NVL: variants seen among roughly 807,000 people sequenced by gnomAD.
NVL encodes the protein nuclear valosin-containing protein-like.
NVL carries 84 observed loss-of-function variants against 110.2 expected under a neutral mutation model. That is an observed-to-expected ratio of 0.76 (90% confidence interval 0.64 to 0.91). The LOEUF (loss-of-function observed/expected upper bound fraction) is 0.91. NVL is among the 40% of genes least tolerant of loss of function. The pLI is 0.00. For missense variants in NVL, 882 were observed against 1,035.9 expected (o/e 0.85, Z 2.04); for synonymous variants, 354 against 361.1 (o/e 0.98, Z 0.22).
At chr1:224,254,094 T>C (rs932693582) in intron 18 of NVL, among the ~76,000 whole-genome samples, 42 of 152,238 alleles carry the variant, frequency 2.8e-4, no homozygotes, top group African/African-American at 9.9e-4. Flanking sequence ...TTGTACAACA[T>C]GTTTTTTTTT....
chr1:224,275,120 G>T (rs751396983), intron 17 of NVL, among the ~76,000 whole-genome samples: 1 of 152,172 alleles, frequency 6.6e-6, no homozygotes, highest in Non-Finnish European at 1.5e-5. Context: ...ATGACCTAAA[G>T]ATTGTGCAAC....
chr1:224,228,870 C>T (rs1189677979), intron 22 of NVL, among the ~76,000 whole-genome samples: 2 of 118,098 alleles, frequency 1.7e-5, no homozygotes, highest in African/African-American at 6.6e-5. Context: ...ACCTGGGAGG[C>T]GGAGCTTGCA....
chr1:224,304,281 TGGGC>T (rs1324032585), intron 8 of NVL, among the ~76,000 whole-genome samples: 2 of 151,892 alleles, frequency 1.3e-5, no homozygotes, highest in African/African-American at 2.4e-5. Flanking sequence ...AAAAATTAGC[TGGGC>T]GTGGTGGCAC....
At chr1:224,330,044 C>T in intron 1 of NVL, 27 bp downstream of exon 1, 1 of 1,612,064 alleles carries the variant, frequency 6.2e-7, no homozygotes, top group South Asian at 1.1e-5. Context: ...GGGCCCTTGG[C>T]GAGGCCAAGC....
chr1:224,288,147 C>G (rs1465258354), intron 13 of NVL, among the ~76,000 whole-genome samples, 154 bp from the exon 14 acceptor site: 5 of 152,140 alleles, frequency 3.3e-5, no homozygotes, highest in Non-Finnish European at 5.9e-5. Context: ...TGACATGAGA[C>G]AAGTTCATTT....
intron 17 of NVL, among the ~76,000 whole-genome samples, chr1:224,268,851 T>C (rs1664760589): frequency 6.6e-6 from 1 of 151,170 alleles, no homozygotes; most frequent in Admixed American, 6.6e-5. Context: ...AGAGATGCGG[T>C]TTCACCACGT....
intron 17 of NVL, among the ~76,000 whole-genome samples, chr1:224,271,025 T>A (rs1665040368): frequency 6.6e-6 from 1 of 152,156 alleles, no homozygotes; most frequent in Non-Finnish European, 1.5e-5. Context: ...CCATCACAGG[T>A]GCACAAAAAT....
intron 19 of NVL, among the ~76,000 whole-genome samples, chr1:224,239,704 A>C (rs1266667860): frequency 1.3e-5 from 2 of 152,168 alleles, no homozygotes; most frequent in Admixed American, 6.6e-5. Context: ...CTGGACCTCC[A>C]CAAGGTCCTG....
chr1:224,294,529 T>C (rs1418871092), intron 11 of NVL, 118 bp from the exon 12 acceptor site: 7 of 938,250 alleles, frequency 7.5e-6, no homozygotes, highest in African/African-American at 4.9e-5. Flanking sequence ...GCAACATACA[T>C]ATAAAACCAA....
chr1:224,289,127 T>G lies in NVL; in HGVS notation c.1575+357A>C, dbSNP rs558723861. ...CTCTGCTGCAGACTCCTGTGTGAAT[T>G]CTGCCATGAAGAACGAAAGCAGAAA... On this transcript the variant is annotated intron_variant, in intron 13 of 22. Transcript: ENST00000281701. The G allele has an allele frequency of 3.8e-5, 8 of 208,082 alleles. No homozygotes were observed. The South Asian group carries it at 6.6e-4, about 17-fold the overall frequency. The allele number at this position is 208,082 out of a possible 1,614,324, so 12.9% of individuals were successfully genotyped here.
chr1:224,279,311 G>A (rs774922413), intron 16 of NVL, among the ~76,000 whole-genome samples: 5 of 152,030 alleles, frequency 3.3e-5, no homozygotes, highest in Admixed American at 6.6e-5. Context: ...AGTCACTCAC[G>A]CATGTAATCC....
At chr1:224,229,740 G>A (rs1211428150) in intron 22 of NVL, among the ~76,000 whole-genome samples, 2 of 152,202 alleles carry the variant, frequency 1.3e-5, no homozygotes, top group Non-Finnish European at 2.9e-5. Flanking sequence ...GAGCCACCGC[G>A]TCTGGCAAAT....
rs749666342 is a variant in NVL at position 224,275,482 on chromosome 1, A to G, written c.1963-24T>C. The G allele has an allele frequency of 2.5e-6, 4 of 1,613,944 alleles. No homozygotes were observed. In the East Asian group the frequency reaches 8.9e-5, roughly 36 times the overall value. On this transcript the variant is annotated intron_variant, in intron 16 of 22. Transcript: ENST00000281701. ...TACTAAACATACACAGAAAGGAAAT[A>G]AAATACCAACAGTTCAACTTTGTGG...
intron 14 of NVL, 57 bp from the exon 15 acceptor site, chr1:224,286,187 C>A: frequency 2.9e-4 from 301 of 1,042,270 alleles, no homozygotes; most frequent in Non-Finnish European, 4.0e-4. Context: ...ACTGCAGGTT[C>A]AAATTATTTC....
Position 224,233,217 on chromosome 1 carries a change from C to A in NVL, c.2439G>T (p.Lys813Asn). The A allele has an allele frequency of 1.9e-6, 3 of 1,612,660 alleles. No individual in the cohort carries two copies. The highest frequency in any genetic ancestry group is 2.5e-6 in the Non-Finnish European group (3 of 1,179,492). The change falls in exon 21 of 23, where the codon AAG (lysine) becomes AAT (asparagine). Residue 813 changes from lysine (K) to asparagine (N), a missense_variant. Lys to Asn is a moderately conservative substitution (Grantham distance 94). Coordinates refer to ENST00000281701, the MANE Select transcript of NVL (RefSeq NM_002533.4). ...GAATTGTACCTTTTTCATTTCCACT[C>A]TTCTGTCTTGCCATTTCCTGTCTCA... ...CALRQEMARQKSGNEKGELKV... is the reference protein window; with the variant it reads ...CALRQEMARQNSGNEKGELKV...
chr1:224,298,850 G>A (rs905689173), intron 10 of NVL, among the ~76,000 whole-genome samples: 8 of 152,092 alleles, frequency 5.3e-5, no homozygotes, highest in Non-Finnish European at 1.0e-4. Context: ...GTACTGGTTT[G>A]AAGATAGTCC....
At chr1:224,268,213 A>G in intron 17 of NVL, 80 bp from the exon 18 acceptor site, 1 of 981,786 alleles carries the variant, frequency 1.0e-6, no homozygotes, top group South Asian at 1.4e-5. Context: ...AAAATAATAC[A>G]TTTCCCCATG....
rs1558298922 is a variant in NVL at position 224,281,210 on chromosome 1, CA to C, written c.1900-26del. 1.9e-6 allele frequency: 3 copies of C among 1,564,242 alleles called. No homozygotes were observed. The Admixed American group carries it at 5.0e-5, about 26-fold the overall frequency. On this transcript the variant is annotated intron_variant, in intron 15 of 22. Transcript: ENST00000281701. ...CCTAGCAAGAGGAAACAAAAAGACA[CA>C]AATAAGACCAATACACAGTAATAAT...
Position 224,287,844 on chromosome 1 carries a change from G to A in NVL, c.1725C>T (p.Val575=). ...PSAKREGFVT[V]PNVTWADIGA... ...CAATATCTGCCCATGTCACATTAGG[G>A]ACAGTGACAAAGCCTTCCCTTTTGG... Residue 575 remains valine, a synonymous_variant, in exon 14 of 23, where the codon GTC becomes GTT. Transcript: ENST00000281701. 4 of 1,614,100 alleles carry A rather than the reference G, an allele frequency of 2.5e-6. No homozygotes were observed. The highest frequency in any genetic ancestry group is 3.4e-6 in the Non-Finnish European group (4 of 1,179,998).
Sources: gnomAD v4.1 joint callset for allele counts (sites outside exome capture counted in the v4.1 genomes callset) on GRCh38, gnomAD v4.1.1 for gene constraint, MANE v1.5 for transcripts, NCBI Gene and HGNC (gene_info 2026-07-23, HGNC 2026-07-21) for gene names.